The following UHRF2 variants were observed in gnomAD, a reference collection of about 807,000 sequenced individuals.
UHRF2 encodes ubiquitin like with PHD and ring finger domains 2.
A neutral mutation model predicts 96.8 loss-of-function variants in UHRF2; 23 were observed. The observed-to-expected ratio is 0.24, with a 90% CI of 0.17 to 0.34. UHRF2 has a LOEUF of 0.34. UHRF2 is among the 10% of genes least tolerant of loss of function. UHRF2 has a pLI of 1.00. For missense variants in UHRF2, 685 were observed against 981.5 expected, an observed-to-expected ratio of 0.70 and a Z score of 4.04; for synonymous variants, 385 against 332.6, an observed-to-expected ratio of 1.16 and a Z score of -1.72.
chr9:6,491,507 C>A (rs1398513415), intron 9 of UHRF2, among the ~76,000 whole-genome samples: 23 of 152,134 alleles, frequency 1.5e-4, no homozygotes, highest in Admixed American at 1.5e-3. Context: ...TCTAGACAAC[C>A]TTGAATTAAG....
At position 6,445,998 on chromosome 9, in the gene UHRF2, T is replaced by TTTTTTTTTTC. The variant is rs772184475; in HGVS notation, c.644+11827_644+11828insTTTTTTTCTT. 7.9e-3 allele frequency among the ~76,000 whole-genome samples: 1,023 copies of TTTTTTTTTTC among 129,798 alleles called. 13 individuals carry two copies. Among genetic ancestry groups the TTTTTTTTTTC allele is most frequent in the African/African-American group, 0.023 (776 of 34,402 alleles). The allele number at this position is 129,798 out of a possible 152,430, so 85.2% of individuals were successfully genotyped here. A position where few individuals can be genotyped will look rare whatever the true frequency, so the allele number is the denominator to read the frequency against. On this transcript the variant is annotated intron_variant, in intron 3 of 15. Coordinates refer to ENST00000276893, the MANE Select transcript of UHRF2 (RefSeq NM_152896.3). ...CCGCCACCCTTTTTTTTTTTTTTTT[T>TTTTTTTTTTC]TTCCTGTTTTTGAGATAGAGTCTCA...
chr9:6,455,000 C>T (rs1822091831), intron 3 of UHRF2, among the ~76,000 whole-genome samples: 1 of 152,106 alleles, frequency 6.6e-6, no homozygotes, highest in Non-Finnish European at 1.5e-5. Context: ...ATCTTGGGAC[C>T]ATACTTTGAG....
intron 3 of UHRF2, among the ~76,000 whole-genome samples, chr9:6,444,845 A>G (rs1173184507): frequency 3.3e-5 from 5 of 151,956 alleles, no homozygotes; most frequent in African/African-American, 9.7e-5. Context: ...TAGGTGATTG[A>G]CCTGCCCCGG....
intron 14 of UHRF2, 173 bp from the exon 15 acceptor site, chr9:6,504,420 T>C (rs1313033060): frequency 1.2e-5 from 6 of 497,990 alleles, no homozygotes; most frequent in Non-Finnish European, 2.2e-5. Context: ...GATATGTTCA[T>C]ATAACATATA....
rs755032882 is a variant in UHRF2 at position 6,413,469 on chromosome 9, C to A, written c.-22C>A. On this transcript the variant is annotated 5_prime_UTR_variant, in exon 1 of 16. Transcript: ENST00000276893. ...GAGCTCAGGGGGAGACAAAGGGGAC[C>A]GGTTCCTCTCTAGGCGCCAAGATGT... The A allele has an allele frequency of 3.3e-6, 5 of 1,517,480 alleles. No homozygotes were observed. In the South Asian group the frequency reaches 6.1e-5, roughly 19 times the overall value. 94.0% of individuals were successfully genotyped at this position (1,517,480 alleles called of 1,614,324 possible).
At chr9:6,482,381 A>C (rs1823978076) in intron 8 of UHRF2, among the ~76,000 whole-genome samples, 2 of 152,164 alleles carry the variant, frequency 1.3e-5, no homozygotes, top group South Asian at 4.1e-4. Context: ...TTCCTGCCAA[A>C]AATTTAGCAT....
At chr9:6,501,913 G>A (rs1441836247) in intron 14 of UHRF2, among the ~76,000 whole-genome samples, 4 of 152,196 alleles carry the variant, frequency 2.6e-5, no homozygotes, top group Non-Finnish European at 5.9e-5. Flanking sequence ...TACAGATGGA[G>A]GAAAAAGCCA....
Position 6,434,880 on chromosome 9 carries a change from G to A in UHRF2, c.644+707G>A, listed in dbSNP as rs186867822. ...GGGTCCCACTTTGTTGCACATACTG[G>A]AGTACAGCAATGTGATCCTGGCTCG... On this transcript the variant is annotated intron_variant, in intron 3 of 15. Coordinates refer to ENST00000276893, the MANE Select transcript of UHRF2 (RefSeq NM_152896.3). Among the ~76,000 whole-genome samples, 19 of 152,206 alleles carry A rather than the reference G, an allele frequency of 1.2e-4. No individual in the cohort carries two copies. In the East Asian group the frequency reaches 3.1e-3, roughly 25 times the overall value.
At chr9:6,452,707 T>C (rs1006263713) in intron 3 of UHRF2, among the ~76,000 whole-genome samples, 2 of 152,176 alleles carry the variant, frequency 1.3e-5, no homozygotes, top group African/African-American at 4.8e-5. Flanking sequence ...TCTAAGAGCA[T>C]GAAGGGTTTT....
intron 3 of UHRF2, among the ~76,000 whole-genome samples, chr9:6,446,925 G>T (rs934130827): frequency 6.6e-6 from 1 of 151,882 alleles, no homozygotes; most frequent in Non-Finnish European, 1.5e-5. Flanking sequence ...GTCTTGCTCT[G>T]TCACCCAGGC....
chr9:6,461,330 T>TCTCC (rs1822522946), intron 4 of UHRF2, among the ~76,000 whole-genome samples: 1 of 144,938 alleles, frequency 6.9e-6, no homozygotes, highest in African/African-American at 2.6e-5. Context: ...TTTCTGTCTC[T>TCTCC]CTCCCTCCCT....
rs543232119 is a variant in UHRF2 at position 6,426,848 on chromosome 9, A to C, written c.384+5706A>C. 1.1e-3 allele frequency among the ~76,000 whole-genome samples: 173 copies of C among 152,262 alleles called. 1 individual carries two copies. The highest frequency in any genetic ancestry group is 4.0e-3 in the African/African-American group (166 of 41,554). On this transcript the variant is annotated intron_variant, in intron 2 of 15. Transcript: ENST00000276893. Reference sequence around the variant, plus strand: ...ACTGCAACCTCTGCCTCCTGGGTTCAAGCGATTCTACTGCTTCAGTCTCTT... The same window carrying C: ...ACTGCAACCTCTGCCTCCTGGGTTCCAGCGATTCTACTGCTTCAGTCTCTT...
intron 2 of UHRF2, among the ~76,000 whole-genome samples, chr9:6,424,367 A>C (rs999972089): frequency 2.5e-4 from 24 of 95,252 alleles, no homozygotes; most frequent in Admixed American, 2.3e-3. Context: ...AGTGCTATAT[A>C]GTGGTCACAA....
chr9:6,502,563 T>C, intron 14 of UHRF2, among the ~76,000 whole-genome samples: 1 of 152,200 alleles, frequency 6.6e-6, no homozygotes, highest in Non-Finnish European at 1.5e-5. Context: ...GCTGGGTTTA[T>C]AGGCATGAGT....
At chr9:6,486,382 A>G (rs1824291145) in intron 8 of UHRF2, among the ~76,000 whole-genome samples, 1 of 152,234 alleles carries the variant, frequency 6.6e-6, no homozygotes, top group Non-Finnish European at 1.5e-5. Context: ...GAATGGGGCT[A>G]AAATAACTCC....
chr9:6,431,165 T>A (rs115446084), intron 2 of UHRF2, among the ~76,000 whole-genome samples: 2,188 of 152,338 alleles, frequency 0.014, 57 homozygotes, highest in African/African-American at 0.05. Flanking sequence ...CTTGGCCTAT[T>A]CAAATTTTGC....
intron 3 of UHRF2, among the ~76,000 whole-genome samples, chr9:6,458,949 C>G (rs1461393019): frequency 1.3e-5 from 2 of 152,188 alleles, no homozygotes; most frequent in African/African-American, 4.8e-5. Context: ...CCATCATTCT[C>G]AGCAAACTAA....
intron 6 of UHRF2, among the ~76,000 whole-genome samples, chr9:6,480,904 C>G (rs536525982): frequency 6.6e-6 from 1 of 152,028 alleles, no homozygotes; most frequent in Non-Finnish European, 1.5e-5. Context: ...CTAAAAGCTA[C>G]GTAGAATAGA....
intron 3 of UHRF2, among the ~76,000 whole-genome samples, chr9:6,453,418 G>A (rs535216387): frequency 1.3e-5 from 2 of 152,268 alleles, no homozygotes; most frequent in South Asian, 4.1e-4. Flanking sequence ...TTACAGCTGA[G>A]AAAGGAATAT....
Sources: gnomAD v4.1 joint callset for allele counts (sites outside exome capture counted in the v4.1 genomes callset) on GRCh38, gnomAD v4.1.1 for gene constraint, MANE v1.5 for transcripts, NCBI Gene and HGNC (gene_info 2026-07-23, HGNC 2026-07-21) for gene names.